The following GPR141 variants were observed in gnomAD, a reference collection of about 807,000 sequenced individuals.
GPR141 encodes the protein G protein-coupled receptor 141, also known as probable G protein-coupled receptor 141.
In GPR141, 6 loss-of-function variants were observed where a neutral mutation model predicts 6.8. The observed-to-expected ratio is 0.88, with a 90% CI of 0.48 to 1.74. The LOEUF (loss-of-function observed/expected upper bound fraction) is 1.74. Ranked by LOEUF, GPR141 falls within the 40% of genes most tolerant of loss-of-function variation. GPR141 has a pLI of 0.01. For missense variants in GPR141, 372 were observed against 372.9 expected, an observed-to-expected ratio of 1.00 and a Z score of 0.02; for synonymous variants, 140 against 142.3, an observed-to-expected ratio of 0.98 and a Z score of 0.11.
intron 2 of GPR141, among the ~76,000 whole-genome samples, chr7:37,693,628 G>A (rs572754691): frequency 1.2e-4 from 19 of 152,132 alleles, no homozygotes; most frequent in Non-Finnish European, 2.8e-4. Context: ...CCAGACTTGT[G>A]AGAGCAGGTA....
At chr7:37,686,894 A>G (rs925511268) in intron 2 of GPR141, among the ~76,000 whole-genome samples, 2 of 152,124 alleles carry the variant, frequency 1.3e-5, no homozygotes, top group African/African-American at 4.8e-5. Flanking sequence ...CTAGTAACCT[A>G]CTCTCTGGGA....
chr7:37,719,168 C>T (rs138534892), intron 2 of GPR141, among the ~76,000 whole-genome samples: 4 of 152,154 alleles, frequency 2.6e-5, no homozygotes, highest in Admixed American at 6.6e-5. Context: ...AGGTTGGACC[C>T]GGAAACAAAT....
At chr7:37,713,942 C>G (rs1430307509) in intron 2 of GPR141, among the ~76,000 whole-genome samples, 2 of 152,164 alleles carry the variant, frequency 1.3e-5, no homozygotes, top group Non-Finnish European at 1.5e-5. Context: ...AGATTAAATA[C>G]ATTGCTTAAG....
intron 2 of GPR141, 141 bp from the exon 3 acceptor site, chr7:37,740,239 A>C: frequency 1.5e-6 from 1 of 648,336 alleles, no homozygotes; most frequent in African/African-American, 1.8e-5. Flanking sequence ...CATTCATAGG[A>C]AATAATCTTC....
intron 2 of GPR141, among the ~76,000 whole-genome samples, chr7:37,697,817 T>C (rs1185019615): frequency 1.3e-5 from 2 of 152,174 alleles, no homozygotes; most frequent in Non-Finnish European, 2.9e-5. Flanking sequence ...GCACGAGGGA[T>C]TTGATTAATC....
chr7:37,696,572 A>T (rs913629300), intron 2 of GPR141, among the ~76,000 whole-genome samples: 6 of 151,622 alleles, frequency 4.0e-5, no homozygotes, highest in African/African-American at 1.5e-4. Flanking sequence ...GCCCAGCACA[A>T]GGACCACTGA....
chr7:37,709,740 T>C (rs926470343), intron 2 of GPR141: 1 of 152,214 alleles, frequency 6.6e-6, no homozygotes, highest in Non-Finnish European at 1.5e-5. Flanking sequence ...GAAATCCCTG[T>C]AAAAGGCAGC....
In GPR141 at chr7:37,743,472, A is replaced by AT. The variant is rs1185919443; in HGVS notation, c.*2165dup. ...TTATTTTTTACATTTTTTCTTTCTC[A>AT]TTTTGAACCATAAAATTTGTAAGAC... is the stretch of plus-strand genomic sequence containing the variant. On this transcript the variant is annotated 3_prime_UTR_variant, in exon 3 of 3. Coordinates refer to ENST00000334425, the MANE Select transcript of GPR141 (RefSeq NM_001381946.1). 2.0e-5 allele frequency among the ~76,000 whole-genome samples: 3 copies of AT among 148,308 alleles called. No homozygotes were observed. The highest frequency in any genetic ancestry group is 4.5e-5 in the Non-Finnish European group (3 of 66,528).
At chr7:37,727,223 A>T (rs567291529) in intron 2 of GPR141, among the ~76,000 whole-genome samples, 1 of 152,250 alleles carries the variant, frequency 6.6e-6, no homozygotes, top group Non-Finnish European at 1.5e-5. Flanking sequence ...TATCTTTTCT[A>T]TGTGTAGAAA....
intron 2 of GPR141, among the ~76,000 whole-genome samples, chr7:37,690,173 TTTTG>T (rs961786819): frequency 8.3e-4 from 126 of 152,304 alleles, no homozygotes; most frequent in Non-Finnish European, 3.5e-4. Flanking sequence ...GAGCATGTTT[TTTTG>T]TTTGTTTGTT....
At chr7:37,731,278 C>A (rs974000743) in intron 2 of GPR141, among the ~76,000 whole-genome samples, 3 of 152,204 alleles carry the variant, frequency 2.0e-5, no homozygotes, top group African/African-American at 7.2e-5. Context: ...ATGTAGCAAT[C>A]CCCCTTGTAC....
intron 2 of GPR141, among the ~76,000 whole-genome samples, chr7:37,735,669 G>A (rs1207672179): frequency 6.6e-6 from 1 of 152,002 alleles, no homozygotes; most frequent in Non-Finnish European, 1.5e-5. Flanking sequence ...GAATTTATTA[G>A]TAAATTACTA....
At chr7:37,709,243 A>G (rs1375646901) in intron 2 of GPR141, among the ~76,000 whole-genome samples, 1 of 152,244 alleles carries the variant, frequency 6.6e-6, no homozygotes, top group Non-Finnish European at 1.5e-5. Context: ...TGGTACAGTT[A>G]CTTCCAATAA....
chr7:37,720,559 G>A (rs770609949), intron 2 of GPR141, among the ~76,000 whole-genome samples: 15 of 152,130 alleles, frequency 9.9e-5, no homozygotes, highest in Non-Finnish European at 1.9e-4. Flanking sequence ...GGCTAACATG[G>A]TGAAACCCCT....
intron 2 of GPR141, among the ~76,000 whole-genome samples, chr7:37,738,698 A>T (rs1418494329): frequency 6.6e-6 from 1 of 152,188 alleles, no homozygotes; most frequent in Non-Finnish European, 1.5e-5. Flanking sequence ...ATGCAATAAA[A>T]ATAACCAATT....
chr7:37,724,184 G>C (rs147275838), intron 2 of GPR141, among the ~76,000 whole-genome samples: 2,227 of 152,318 alleles, frequency 0.015, 140 homozygotes, highest in Admixed American at 0.1. Context: ...CAAGTGAGGA[G>C]AGAAAGGATA....
intron 2 of GPR141, among the ~76,000 whole-genome samples, chr7:37,697,630 G>A (rs1385331670): frequency 6.6e-6 from 1 of 152,152 alleles, no homozygotes; most frequent in Non-Finnish European, 1.5e-5. Flanking sequence ...TCAGAAGGTT[G>A]ACTCTTCACT....
chr7:37,730,258 A>G (rs1811856945), intron 2 of GPR141, among the ~76,000 whole-genome samples: 1 of 152,046 alleles, frequency 6.6e-6, no homozygotes, highest in South Asian at 2.1e-4. Flanking sequence ...GACACATACC[A>G]TGTTCCAAAT....
intron 2 of GPR141, among the ~76,000 whole-genome samples, chr7:37,693,079 A>G (rs534645040): frequency 3.3e-5 from 5 of 152,306 alleles, no homozygotes; most frequent in South Asian, 4.1e-4. Flanking sequence ...GCCTTTGCCC[A>G]TGCCTATGTC....
Sources: allele counts gnomAD v4.1 joint callset (sites outside exome capture counted in the v4.1 genomes callset), GRCh38; gene constraint gnomAD v4.1.1; transcripts MANE v1.5; gene names NCBI Gene and HGNC (gene_info 2026-07-23, HGNC 2026-07-21).